TTC29: variants seen among roughly 807,000 people sequenced by gnomAD.
TTC29 encodes the protein tetratricopeptide repeat domain 29.
Under a neutral mutation model 58.1 loss-of-function variants are expected in TTC29, and 49 were observed. The ratio of observed to expected loss-of-function variants is 0.84; its 90% CI spans 0.67 to 1.07. TTC29 has a LOEUF of 1.07. Ranked by LOEUF, TTC29 falls within the 50% of genes least tolerant of loss-of-function variation. The pLI, the probability that TTC29 is intolerant of heterozygous loss-of-function variation, is 0.00. For missense variants in TTC29, 582 were observed against 555.6 expected (o/e 1.05, Z -0.48); for synonymous variants, 209 against 196.8 (o/e 1.06, Z -0.52).
chr4:146,733,755 T>A (rs1355729184), intron 11 of TTC29, among the ~76,000 whole-genome samples: 1 of 152,168 alleles, frequency 6.6e-6, no homozygotes, highest in Non-Finnish European at 1.5e-5. Context: ...CAGATAAATA[T>A]TGAAATAAGC....
At chr4:146,715,331 T>C (rs2149997138) in intron 11 of TTC29, among the ~76,000 whole-genome samples, 1 of 152,256 alleles carries the variant, frequency 6.6e-6, no homozygotes, top group Non-Finnish European at 1.5e-5. Context: ...TGCAGCACTA[T>C]CTACAATAGG....
intron 8 of TTC29, among the ~76,000 whole-genome samples, chr4:146,849,821 A>G (rs1729406335): frequency 6.6e-6 from 1 of 152,046 alleles, no homozygotes; most frequent in African/African-American, 2.4e-5. Flanking sequence ...TGCCCTGGCC[A>G]TTACCACTGC....
intron 6 of TTC29, among the ~76,000 whole-genome samples, chr4:146,880,529 G>T (rs1157841399): frequency 6.6e-6 from 1 of 152,096 alleles, no homozygotes; most frequent in African/African-American, 2.4e-5. Context: ...ATTTTATATA[G>T]TTGGGTATTA....
chr4:146,881,539 G>C (rs956413311), intron 6 of TTC29, among the ~76,000 whole-genome samples: 6 of 152,084 alleles, frequency 3.9e-5, no homozygotes, highest in African/African-American at 1.4e-4. Flanking sequence ...AAATCTGCTA[G>C]AAGCAATATT....
At position 146,874,822 on chromosome 4, in the gene TTC29, C is replaced by T. The variant is rs1236613808; in HGVS notation, c.693G>A (p.Glu231=). Reference sequence around the variant, plus strand: ...GTAATCTGTAAGTCCTCAGGAGACTCTCACAGGCCAACAAGTTGAGAGAGC... The same window carrying T: ...GTAATCTGTAAGTCCTCAGGAGACTTTCACAGGCCAACAAGTTGAGAGAGC... ...TGRSLNLLAC[E]SLLRTYRLLS... Residue 231 remains glutamate, a synonymous_variant, in exon 7 of 13, where the codon GAG becomes GAA. Coordinates refer to ENST00000325106, the MANE Select transcript of TTC29 (RefSeq NM_031956.4). 1.9e-6 allele frequency: 3 copies of T among 1,613,174 alleles called. No individual in the cohort carries two copies. Among genetic ancestry groups the T allele is most frequent in the Non-Finnish European group, 2.5e-6 (3 of 1,179,616 alleles).
chr4:146,901,745 T>C (rs1463061825), intron 6 of TTC29, among the ~76,000 whole-genome samples: 1 of 152,244 alleles, frequency 6.6e-6, no homozygotes, highest in African/African-American at 2.4e-5. Flanking sequence ...AAGCACCTTA[T>C]ATAAAGTGAT....
chr4:146,930,794 T>C (rs1210261925), intron 4 of TTC29, among the ~76,000 whole-genome samples: 1 of 152,226 alleles, frequency 6.6e-6, no homozygotes, highest in African/African-American at 2.4e-5. Flanking sequence ...TCCCACTGAC[T>C]GACAGTTCTG....
intron 11 of TTC29, among the ~76,000 whole-genome samples, chr4:146,710,632 A>T (rs908037501): frequency 2.0e-5 from 3 of 152,066 alleles, no homozygotes; most frequent in African/African-American, 7.2e-5. Flanking sequence ...GTGATTTGAG[A>T]TGTTTGATCT....
At chr4:146,814,028 T>C (rs1272279867) in intron 10 of TTC29, among the ~76,000 whole-genome samples, 7 of 152,084 alleles carry the variant, frequency 4.6e-5, no homozygotes. Context: ...AGTCTGAACT[T>C]TCACAAGTGA....
intron 11 of TTC29, among the ~76,000 whole-genome samples, chr4:146,750,004 CA>C (rs1745857226): frequency 6.6e-6 from 1 of 151,166 alleles, no homozygotes; most frequent in African/African-American, 2.5e-5. Flanking sequence ...AATTTATTGC[CA>C]CTATACCTGC....
intron 10 of TTC29, among the ~76,000 whole-genome samples, chr4:146,816,511 G>T (rs1251444126): frequency 1.3e-5 from 2 of 152,098 alleles, no homozygotes; most frequent in African/African-American, 4.8e-5. Context: ...GAAAAAAGAG[G>T]GGAAACAACG....
intron 11 of TTC29, among the ~76,000 whole-genome samples, chr4:146,760,109 G>A (rs1461465589): frequency 2.6e-5 from 4 of 151,996 alleles, no homozygotes; most frequent in East Asian, 3.8e-4. Context: ...CAAGATTAAT[G>A]TACACAAATC....
At chr4:146,888,731 T>C (rs575928944) in intron 6 of TTC29, among the ~76,000 whole-genome samples, 1 of 152,302 alleles carries the variant, frequency 6.6e-6, no homozygotes, top group Admixed American at 6.5e-5. Context: ...TTTCTCCCCC[T>C]AATTAGTAAA....
At chr4:146,766,184 T>C (rs560703921) in intron 11 of TTC29, among the ~76,000 whole-genome samples, 114 of 152,176 alleles carry the variant, frequency 7.5e-4, no homozygotes, top group African/African-American at 2.7e-3. Context: ...CATTTAAAAC[T>C]GTTAACTTAA....
chr4:146,711,231 G>A (rs530644608), intron 11 of TTC29, among the ~76,000 whole-genome samples: 286 of 152,194 alleles, frequency 1.9e-3, no homozygotes, highest in African/African-American at 6.7e-3. Context: ...ATATACAGTA[G>A]TCATTACCTT....
chr4:146,865,355 C>T (rs766376895), intron 8 of TTC29, among the ~76,000 whole-genome samples: 8 of 152,114 alleles, frequency 5.3e-5, no homozygotes, highest in Non-Finnish European at 1.2e-4. Flanking sequence ...TGTTTGAATC[C>T]ATTATGGCAC....
intron 11 of TTC29, among the ~76,000 whole-genome samples, chr4:146,742,226 G>A (rs1391453362): frequency 6.6e-6 from 1 of 152,104 alleles, no homozygotes; most frequent in Non-Finnish European, 1.5e-5. Flanking sequence ...CTGGACATGA[G>A]GCTCTTGGAT....
Position 146,820,818 on chromosome 4 carries a change from G to T in TTC29, c.978-570C>A, listed in dbSNP as rs567369583. Reference sequence around the variant, plus strand: ...GAGGCCCAGGTGGGCGGATCACGAGGTCAGGAGATTGAGACCATCCTGGCT... The same window carrying T: ...GAGGCCCAGGTGGGCGGATCACGAGTTCAGGAGATTGAGACCATCCTGGCT... On this transcript the variant is annotated intron_variant, in intron 9 of 12. Coordinates refer to ENST00000325106, the MANE Select transcript of TTC29 (RefSeq NM_031956.4). Among the ~76,000 whole-genome samples, 60 of 152,264 alleles carry T rather than the reference G, an allele frequency of 3.9e-4. No individual in the cohort carries two copies. In the Middle Eastern group the frequency reaches 0.017, roughly 43 times the overall value.
intron 11 of TTC29, among the ~76,000 whole-genome samples, chr4:146,758,328 CA>C (rs1746610713): frequency 6.6e-6 from 1 of 151,922 alleles, no homozygotes; most frequent in African/African-American, 2.4e-5. Context: ...CTGGAGCTCC[CA>C]AAATTATAAA....
Sources: gnomAD v4.1 joint callset for allele counts (sites outside exome capture counted in the v4.1 genomes callset) on GRCh38, gnomAD v4.1.1 for gene constraint, MANE v1.5 for transcripts, NCBI Gene and HGNC (gene_info 2026-07-23, HGNC 2026-07-21) for gene names.